The following CNTN5 variants were observed in gnomAD, a reference collection of about 807,000 sequenced individuals.
CNTN5 encodes the protein contactin-5.
A neutral mutation model predicts 129.1 loss-of-function variants in CNTN5; 77 were observed. That is an observed-to-expected ratio of 0.60 (90% confidence interval 0.50 to 0.72). The LOEUF is 0.72. CNTN5 is among the 30% of genes least tolerant of loss of function. CNTN5 has a pLI of 0.00. For missense variants in CNTN5, 1,478 were observed against 1,328.8 expected (o/e 1.11, Z -1.75); for synonymous variants, 509 against 465.6 (o/e 1.09, Z -1.20).
chr11:99,253,750 A>G (rs1037677317), intron 1 of CNTN5, among the ~76,000 whole-genome samples: 3 of 151,368 alleles, frequency 2.0e-5, no homozygotes, highest in Non-Finnish European at 4.4e-5. Context: ...TATTGTTTTC[A>G]CACTCGTTCC....
chr11:100,283,484 C>T (rs1336583764), intron 18 of CNTN5, among the ~76,000 whole-genome samples: 1 of 152,130 alleles, frequency 6.6e-6, no homozygotes, highest in South Asian at 2.1e-4. Flanking sequence ...TATCTCTGAG[C>T]CCAGTTCAAC....
intron 1 of CNTN5, among the ~76,000 whole-genome samples, chr11:99,255,466 CTAA>C (rs999547228): frequency 5.3e-5 from 8 of 150,786 alleles, no homozygotes; most frequent in Non-Finnish European, 1.2e-4. Context: ...TTTAGAATGC[CTAA>C]TAATATTACA....
intron 9 of CNTN5, among the ~76,000 whole-genome samples, chr11:100,037,814 A>G (rs1477852225): frequency 6.6e-6 from 1 of 151,998 alleles, no homozygotes; most frequent in Non-Finnish European, 1.5e-5. Context: ...CGGTGGTGAT[A>G]TCCCCTTTAT....
chr11:99,275,281 T>C (rs1863374091), intron 1 of CNTN5, among the ~76,000 whole-genome samples: 1 of 151,498 alleles, frequency 6.6e-6, no homozygotes, highest in Non-Finnish European at 1.5e-5. Flanking sequence ...TCTTTAAATA[T>C]ATTTCCACTC....
intron 1 of CNTN5, among the ~76,000 whole-genome samples, chr11:99,083,206 C>T (rs1424641380): frequency 2.0e-5 from 3 of 152,026 alleles, no homozygotes; most frequent in Admixed American, 6.6e-5. Flanking sequence ...CTTCCTTCTC[C>T]CATCAGTTAA....
chr11:99,256,937 A>T (rs1260458935), intron 1 of CNTN5, among the ~76,000 whole-genome samples: 1 of 152,152 alleles, frequency 6.6e-6, no homozygotes, highest in Non-Finnish European at 1.5e-5. Flanking sequence ...AGATAGATGC[A>T]CACCTTAAAA....
At chr11:99,392,694 G>C (rs1941326087) in intron 2 of CNTN5, among the ~76,000 whole-genome samples, 1 of 151,808 alleles carries the variant, frequency 6.6e-6, no homozygotes, top group African/African-American at 2.4e-5. Flanking sequence ...AATTATCTTT[G>C]TCTTTGGGTT....
chr11:100,001,000 TC>T (rs1207097301), intron 8 of CNTN5, among the ~76,000 whole-genome samples: 3 of 152,162 alleles, frequency 2.0e-5, no homozygotes, highest in Non-Finnish European at 4.4e-5. Context: ...CATTTTTCCC[TC>T]CTAGGCGTCC....
At chr11:99,128,312 G>A (rs1376881776) in intron 1 of CNTN5, among the ~76,000 whole-genome samples, 2 of 152,166 alleles carry the variant, frequency 1.3e-5, no homozygotes, top group African/African-American at 2.4e-5. Flanking sequence ...CTAGTGCTAC[G>A]GAGACTGGGA....
chr11:99,745,933 C>T (rs985587595), intron 3 of CNTN5, among the ~76,000 whole-genome samples: 7 of 152,066 alleles, frequency 4.6e-5, no homozygotes, highest in Admixed American at 3.9e-4. Flanking sequence ...CCAAGAAGAC[C>T]AGTGATGAAA....
chr11:99,580,408 C>G (rs563435700), intron 3 of CNTN5, among the ~76,000 whole-genome samples: 54 of 152,276 alleles, frequency 3.5e-4, no homozygotes, highest in African/African-American at 1.3e-3. Context: ...AGGAATGGTA[C>G]CAGCTCTTCC....
At chr11:99,848,046 C>T (rs1368561700) in intron 6 of CNTN5, among the ~76,000 whole-genome samples, 1 of 152,090 alleles carries the variant, frequency 6.6e-6, no homozygotes, top group East Asian at 1.9e-4. Flanking sequence ...CCCATCTCTA[C>T]TAAAAATACA....
intron 1 of CNTN5, among the ~76,000 whole-genome samples, chr11:99,208,754 CAATT>C (rs1859612909): frequency 6.6e-6 from 1 of 151,956 alleles, no homozygotes; most frequent in African/African-American, 2.4e-5. Flanking sequence ...CAATCAAAAA[CAATT>C]TATTAATAAC....
rs1013673635 is a variant in CNTN5, at chr11:99,980,543, C to T, written c.878-21491C>T. Among the ~76,000 whole-genome samples, 16 of 152,198 alleles carry T rather than the reference C, an allele frequency of 1.1e-4. No individual in the cohort carries two copies. In the South Asian group the frequency reaches 1.7e-3, roughly 16 times the overall value. ...TGATCGCGCACAAACAGAACTAGGACGATTTGCAAAGGAGGGTCCCTTCCA... is the reference window on the plus strand; with the variant it reads ...TGATCGCGCACAAACAGAACTAGGATGATTTGCAAAGGAGGGTCCCTTCCA... On this transcript the variant is annotated intron_variant, in intron 8 of 24. Coordinates refer to ENST00000524871, the MANE Select transcript of CNTN5 (RefSeq NM_014361.4).
intron 8 of CNTN5, among the ~76,000 whole-genome samples, chr11:99,990,378 T>C (rs2137408293): frequency 6.6e-6 from 1 of 151,064 alleles, no homozygotes; most frequent in East Asian, 2.0e-4. Context: ...TTAGAATGTA[T>C]TTATTGGCTA....
chr11:99,637,988 C>G (rs1177382101), intron 3 of CNTN5, among the ~76,000 whole-genome samples: 1 of 152,068 alleles, frequency 6.6e-6, no homozygotes, highest in Non-Finnish European at 1.5e-5. Flanking sequence ...AATGATGTTT[C>G]AGTCAATGGT....
chr11:99,903,243 C>G (rs1195283434), intron 6 of CNTN5, among the ~76,000 whole-genome samples: 4 of 151,656 alleles, frequency 2.6e-5, no homozygotes, highest in Non-Finnish European at 5.9e-5. Context: ...CACACATATG[C>G]GAACAGCATA....
intron 18 of CNTN5, among the ~76,000 whole-genome samples, chr11:100,279,089 G>A (rs761579088): frequency 5.3e-5 from 8 of 151,812 alleles, no homozygotes; most frequent in Non-Finnish European, 5.9e-5. Flanking sequence ...CATTCTGTTG[G>A]TATAATGTAT....
At chr11:99,789,853 G>A (rs189303967) in intron 3 of CNTN5, among the ~76,000 whole-genome samples, 24 of 151,992 alleles carry the variant, frequency 1.6e-4, no homozygotes, top group African/African-American at 5.5e-4. Flanking sequence ...TGAGGTTTAT[G>A]GTACAATTGA....
Sources: gnomAD v4.1 joint callset for allele counts (sites outside exome capture counted in the v4.1 genomes callset) on GRCh38, gnomAD v4.1.1 for gene constraint, MANE v1.5 for transcripts, NCBI Gene and HGNC (gene_info 2026-07-23, HGNC 2026-07-21) for gene names.